RHPN2: variants seen among roughly 807,000 people sequenced by gnomAD.
RHPN2 encodes the protein rhophilin-2.
A neutral mutation model predicts 79.0 loss-of-function variants in RHPN2; 40 were observed. That is an observed-to-expected ratio of 0.51 (90% CI 0.39 to 0.66). The LOEUF is 0.66. RHPN2 is among the 30% of genes least tolerant of loss of function. The pLI is 0.00. For missense variants in RHPN2, 686 were observed against 883.5 expected (o/e 0.78, Z 2.83); for synonymous variants, 285 against 363.5 (o/e 0.78, Z 2.46).
At chr19:33,033,698 G>A (rs73039433) in intron 2 of RHPN2, among the ~76,000 whole-genome samples, 11,122 of 151,720 alleles carry the variant, frequency 0.073, 568 homozygotes, top group South Asian at 0.24. Flanking sequence ...GAGAAATCTC[G>A]TCTCTACTGA....
chr19:33,011,773 C>G lies in RHPN2; in HGVS notation c.499G>C (p.Gly167Arg). The G allele has an allele frequency of 1.2e-6, 2 of 1,613,984 alleles. No individual in the cohort carries two copies. Among genetic ancestry groups the G allele is most frequent in the Non-Finnish European group, 1.7e-6 (2 of 1,179,868 alleles). Residue 167 changes from glycine (G) to arginine (R), a missense_variant, in exon 6 of 15, where the codon GGG becomes CGG. Physicochemically the swap from Gly to Arg is moderately radical, Grantham distance 125. Coordinates refer to ENST00000254260, the MANE Select transcript of RHPN2 (RefSeq NM_033103.5). The stretch of plus-strand genomic sequence containing the variant: ...AAGTATGTCATCAGCAGTTCCACCC[C>G]GGCCTCATCCCGGCTAGGCGTCCGA... ...ACRTPSRDEA[G>R]VELLMTYFIQ... is the part of the protein sequence containing the mutation.
At chr19:33,014,389 T>C (rs1012030532) in intron 4 of RHPN2, among the ~76,000 whole-genome samples, 5 of 152,086 alleles carry the variant, frequency 3.3e-5, no homozygotes, top group Non-Finnish European at 7.4e-5. Context: ...CACTGCAGCC[T>C]TGAACTCCCG....
rs112883798 is a variant in RHPN2 at position 33,000,797 on chromosome 19, G to A, written c.1106-1092C>T. Among the ~76,000 whole-genome samples the A allele has an allele frequency of 2.6e-3, 398 of 152,222 alleles. 3 individuals carry two copies. Among genetic ancestry groups the A allele is most frequent in the African/African-American group, 8.9e-3 (370 of 41,566 alleles). ...GCTGACCCTTCCCTCCTGTGCAGAT[G>A]GAAAAGTTGAACTCAAATGTCACTG... On this transcript the variant is annotated intron_variant, in intron 9 of 14. Transcript: ENST00000254260.
chr19:33,053,414 T>A (rs1354234827), intron 1 of RHPN2, among the ~76,000 whole-genome samples: 1 of 147,976 alleles, frequency 6.8e-6, no homozygotes, highest in Non-Finnish European at 1.5e-5. Flanking sequence ...ACAACAGTTT[T>A]AACAGTTTTG....
At position 33,004,690 on chromosome 19, in the gene RHPN2, G is replaced by A. The variant is rs576391641; in HGVS notation, c.761-1690C>T. Among the ~76,000 whole-genome samples the A allele has an allele frequency of 6.6e-5, 10 of 151,726 alleles. No individual in the cohort carries two copies. The South Asian group carries it at 1.5e-3, about 22-fold the overall frequency. ...CAACCTCTGCCTCCCAGGTTCAAGCGATCCTCCTGCCTCAGCCTCCCAAGT... is the reference window on the plus strand; with the variant it reads ...CAACCTCTGCCTCCCAGGTTCAAGCAATCCTCCTGCCTCAGCCTCCCAAGT... On this transcript the variant is annotated intron_variant, in intron 7 of 14. Transcript: ENST00000254260.
At chr19:32,997,880 G>T (rs775361602) in intron 10 of RHPN2, among the ~76,000 whole-genome samples, 1 of 152,224 alleles carries the variant, frequency 6.6e-6, no homozygotes, top group African/African-American at 2.4e-5. Flanking sequence ...GCAGGGGCAC[G>T]TGCAGGTTTT....
chr19:33,053,925 C>A (rs1156470299), intron 1 of RHPN2, among the ~76,000 whole-genome samples: 1 of 152,022 alleles, frequency 6.6e-6, no homozygotes, highest in Non-Finnish European at 1.5e-5. Flanking sequence ...GTGGCGTGAT[C>A]TCCATTCACT....
intron 2 of RHPN2, among the ~76,000 whole-genome samples, chr19:33,039,376 C>T (rs1386148166): frequency 6.6e-6 from 1 of 152,120 alleles, no homozygotes; most frequent in Non-Finnish European, 1.5e-5. Flanking sequence ...CTGTCATCAA[C>T]CTCAAGTCAC....
intron 4 of RHPN2, among the ~76,000 whole-genome samples, chr19:33,015,035 T>C (rs1971866831): frequency 6.6e-6 from 1 of 151,496 alleles, no homozygotes; most frequent in South Asian, 2.1e-4. Context: ...TCCAATCTTA[T>C]GAAAGTCAAA....
At chr19:33,043,041 T>C (rs899626851) in intron 2 of RHPN2, among the ~76,000 whole-genome samples, 1 of 150,334 alleles carries the variant, frequency 6.7e-6, no homozygotes, top group Non-Finnish European at 1.5e-5. Context: ...ATCACGCCAC[T>C]GCACTCTAGC....
intron 1 of RHPN2, among the ~76,000 whole-genome samples, chr19:33,055,883 A>C (rs184616419): frequency 1.3e-5 from 2 of 152,140 alleles, no homozygotes; most frequent in Admixed American, 1.3e-4. Flanking sequence ...ACAAGAAACA[A>C]CTTCTCCTAC....
At chr19:33,033,280 CTA>C (rs1972027309) in intron 2 of RHPN2, among the ~76,000 whole-genome samples, 1 of 151,958 alleles carries the variant, frequency 6.6e-6, no homozygotes, top group Admixed American at 6.6e-5. Context: ...AATATAAAAA[CTA>C]AGGCTGGGCA....
chr19:33,035,586 A>G (rs1253768328), intron 2 of RHPN2, among the ~76,000 whole-genome samples: 1 of 152,154 alleles, frequency 6.6e-6, no homozygotes, highest in Non-Finnish European at 1.5e-5. Context: ...CTTCGTTGCT[A>G]GCACAGGTGT....
At chr19:33,031,240 ATT>A (rs1972008771) in intron 2 of RHPN2, among the ~76,000 whole-genome samples, 4 of 150,858 alleles carry the variant, frequency 2.7e-5, no homozygotes, top group Non-Finnish European at 5.9e-5. Flanking sequence ...ATTCTATTCT[ATT>A]CTATTCTATT....
chr19:32,993,175 C>T (rs1444623473), intron 12 of RHPN2, among the ~76,000 whole-genome samples: 3 of 150,988 alleles, frequency 2.0e-5, no homozygotes, highest in Non-Finnish European at 4.4e-5. Flanking sequence ...TAAAAACTAC[C>T]TTTAAAATAT....
chr19:33,033,102 C>T (rs1046249942), intron 2 of RHPN2, among the ~76,000 whole-genome samples: 1 of 151,990 alleles, frequency 6.6e-6, no homozygotes, highest in African/African-American at 2.4e-5. Flanking sequence ...GAGGACAAGC[C>T]TTCTTTCTCT....
At chr19:32,984,659 CA>C (rs553211620) in intron 14 of RHPN2, among the ~76,000 whole-genome samples, 4 of 147,612 alleles carry the variant, frequency 2.7e-5, no homozygotes, top group Non-Finnish European at 6.0e-5. Flanking sequence ...ACTCTGTCTC[CA>C]AAAAAAAAGA....
intron 1 of RHPN2, among the ~76,000 whole-genome samples, chr19:33,063,948 G>C (rs1376787239): frequency 2.0e-5 from 3 of 152,182 alleles, no homozygotes; most frequent in Non-Finnish European, 4.4e-5. Context: ...GGACGACCCG[G>C]AGCGGAGGAG....
At chr19:33,019,931 C>A (rs904518398) in intron 4 of RHPN2, among the ~76,000 whole-genome samples, 5 of 152,108 alleles carry the variant, frequency 3.3e-5, no homozygotes, top group African/African-American at 1.2e-4. Context: ...TTGGAGGTGA[C>A]TGGTTAAAAA....
Sources: allele counts gnomAD v4.1 joint callset (sites outside exome capture counted in the v4.1 genomes callset), GRCh38; gene constraint gnomAD v4.1.1; transcripts MANE v1.5; gene names NCBI Gene and HGNC (gene_info 2026-07-23, HGNC 2026-07-21).